Variants in GTF2I observed in about 807,000 individuals in gnomAD.
The protein encoded by GTF2I is general transcription factor II-I.
In GTF2I, 12 loss-of-function variants were observed where a neutral mutation model predicts 67.6. The ratio of observed to expected loss-of-function variants is 0.18; its 90% CI spans 0.11 to 0.29. GTF2I has a LOEUF of 0.29. Ranked by LOEUF, GTF2I falls within the 10% of genes least tolerant of loss-of-function variation. The probability of loss-of-function intolerance (pLI) is 1.00; values close to 1 mark genes in which losing one functional copy is unlikely to be tolerated. For missense variants in GTF2I, 271 were observed against 580.1 expected (o/e 0.47, Z 5.47); for synonymous variants, 149 against 197.0 (o/e 0.76, Z 2.04).
intron 1 of GTF2I, among the ~76,000 whole-genome samples, chr7:74,680,079 CA>C (rs1225904374): frequency 0.016 from 476 of 30,482 alleles, 6 homozygotes; most frequent in Admixed American, 0.031. Flanking sequence ...GAGTCCATCT[CA>C]AAAAAAAAAA....
Position 74,666,890 on chromosome 7 carries a change from G to C in GTF2I, c.-6+8822G>C, listed in dbSNP as rs185902947. 5.0e-3 allele frequency among the ~76,000 whole-genome samples: 765 copies of C among 152,148 alleles called. 6 individuals carry two copies. Among genetic ancestry groups the C allele is most frequent in the South Asian group, 0.014 (68 of 4,824 alleles). On this transcript the variant is annotated intron_variant, in intron 1 of 34. Transcript: ENST00000573035. ...AGCTACTCAGGAGGCTGAGGCAGGA[G>C]AATGGTGTGAAACCGGCAGGCGGAG...
In GTF2I at chr7:74,705,231, T is replaced by A. The variant is rs1554401039; in HGVS notation, c.641+13T>A. 10 of 1,510,188 alleles carry A rather than the reference T, an allele frequency of 6.6e-6. No homozygotes were observed. Among genetic ancestry groups the A allele is most frequent in the Non-Finnish European group, 9.2e-6 (10 of 1,085,846 alleles). 93.5% of individuals were successfully genotyped at this position (1,510,188 alleles called of 1,614,324 possible). ...CTCCAGGTGGAAGGTAAAACCTAAT[T>A]TCATTACTGCTGTTTAACTCCCACA... is the stretch of plus-strand genomic sequence containing the variant. On this transcript the variant is annotated intron_variant, in intron 7 of 34. Transcript: ENST00000573035.
rs782466588 is a variant in GTF2I at position 74,706,447 on chromosome 7, C to T, written c.685+14C>T. ...CAGAAGATTCTGGTATGTACTAGCA[C>T]TTTTAGAATCAATGGTGAAATTAAG... On this transcript the variant is annotated intron_variant, in intron 8 of 34. Transcript: ENST00000573035. 8.2e-6 allele frequency: 13 copies of T among 1,578,960 alleles called. No individual in the cohort carries two copies. Among genetic ancestry groups the T allele is most frequent in the Non-Finnish European group, 1.1e-5 (13 of 1,148,350 alleles).
rs1584254100 is a variant in GTF2I, at chr7:74,714,894, G to T, written c.801G>T (p.Gln267His). Residue 267 changes from glutamine (Q) to histidine (H), a missense_variant, in exon 10 of 35, where the codon CAG becomes CAT. Coordinates refer to ENST00000573035, the MANE Select transcript of GTF2I (RefSeq NM_032999.4). ...AAACTGATGATGTTGATGAAAAACA[G>T]CCCCTATCGAAGCCTTTGCAAGGTA... ...PSETDDVDEK[Q>H]PLSKPLQGSH... 4 of 1,606,406 alleles carry T rather than the reference G, an allele frequency of 2.5e-6. No homozygotes were observed. Among genetic ancestry groups the T allele is most frequent in the Non-Finnish European group, 1.7e-6 (2 of 1,175,232 alleles).
chr7:74,671,021 G>T (rs1805400661), intron 1 of GTF2I, among the ~76,000 whole-genome samples: 1 of 150,248 alleles, frequency 6.7e-6, no homozygotes, highest in Non-Finnish European at 1.5e-5. Flanking sequence ...ATGTTGTTTT[G>T]GCTACTGTGA....
At position 74,680,114 on chromosome 7, in the gene GTF2I, A is replaced by ATG. The variant is rs1787124200; in HGVS notation, c.-5-9009_-5-9008insGT. Among the ~76,000 whole-genome samples the ATG allele has an allele frequency of 2.5e-5, 3 of 121,506 alleles. 1 individual carries two copies. Among genetic ancestry groups the ATG allele is most frequent in the South Asian group, 4.8e-4 (2 of 4,194 alleles). 79.7% of individuals were successfully genotyped at this position (121,506 alleles called of 152,430 possible). A position where few individuals can be genotyped will look rare whatever the true frequency, so the allele number is the denominator to read the frequency against. On this transcript the variant is annotated intron_variant, in intron 1 of 34. Transcript: ENST00000573035. ...AAAAAAAAAAAATATATATATATAT[A>ATG]TATGTATGTATGTATGTATATACAC...
At chr7:74,671,776 G>GT (rs1805477345) in intron 1 of GTF2I, among the ~76,000 whole-genome samples, 1 of 152,098 alleles carries the variant, frequency 6.6e-6, no homozygotes, top group South Asian at 2.1e-4. Context: ...GAGCACGGGA[G>GT]TTTGACACCA....
chr7:74,699,794 A>G (rs1290787384), intron 4 of GTF2I: 5 of 158,504 alleles, frequency 3.2e-5, no homozygotes, highest in Admixed American at 6.0e-5. Flanking sequence ...TCGCTGCCCA[A>G]TAGGTTGACA....
intron 6 of GTF2I, 152 bp downstream of exon 6, chr7:74,700,786 G>T (rs782192566): frequency 2.8e-5 from 23 of 810,134 alleles, no homozygotes; most frequent in Non-Finnish European, 4.5e-5. Context: ...TCCACAAAAG[G>T]TTCATTGAGC....
At chr7:74,712,247 A>T (rs1008883169) in intron 9 of GTF2I, among the ~76,000 whole-genome samples, 16 of 152,074 alleles carry the variant, frequency 1.1e-4, no homozygotes, top group Non-Finnish European at 2.1e-4. Flanking sequence ...ACGCTTTTTT[A>T]AAATGAAATA....
intron 8 of GTF2I, among the ~76,000 whole-genome samples, chr7:74,707,587 C>T (rs887422161): frequency 6.6e-6 from 1 of 152,120 alleles, no homozygotes; most frequent in Non-Finnish European, 1.5e-5. Flanking sequence ...GTTGAATTAT[C>T]CTTTTTTGGA....
At chr7:74,682,819 C>T (rs1468208587) in intron 1 of GTF2I, among the ~76,000 whole-genome samples, 1 of 151,980 alleles carries the variant, frequency 6.6e-6, no homozygotes, top group African/African-American at 2.4e-5. Context: ...TCTTGAAATT[C>T]CTTAGAGAGT....
At chr7:74,712,920 A>G (rs1414535941) in intron 9 of GTF2I, among the ~76,000 whole-genome samples, 1 of 152,110 alleles carries the variant, frequency 6.6e-6, no homozygotes. Context: ...TTGTATTCCA[A>G]AATAGGCTTG....
At chr7:74,658,658 G>C (rs1469347613) in intron 1 of GTF2I, among the ~76,000 whole-genome samples, 10 of 150,332 alleles carry the variant, frequency 6.7e-5, no homozygotes, top group Non-Finnish European at 1.5e-4. Context: ...TGCGGCGGGC[G>C]GGGGAGCGGG....
At chr7:74,676,251 G>C (rs1554392357) in intron 1 of GTF2I, among the ~76,000 whole-genome samples, 1 of 152,078 alleles carries the variant, frequency 6.6e-6, no homozygotes. Context: ...TTTCTTTGCT[G>C]TCATTCGAAA....
chr7:74,724,687 G>A (rs782378249), intron 12 of GTF2I, among the ~76,000 whole-genome samples: 7 of 152,132 alleles, frequency 4.6e-5, no homozygotes, highest in Non-Finnish European at 8.8e-5. Context: ...TTGGAAGACC[G>A]AGGTGGGTGG....
intron 3 of GTF2I, among the ~76,000 whole-genome samples, chr7:74,694,660 T>A (rs1208869143): frequency 6.6e-6 from 1 of 152,170 alleles, no homozygotes; most frequent in Non-Finnish European, 1.5e-5. Context: ...ATGTAGAAAC[T>A]GCAGCAAGTT....
At chr7:74,718,704 T>G (rs1315018880) in intron 11 of GTF2I, among the ~76,000 whole-genome samples, 175 bp from the exon 12 acceptor site, 2 of 152,360 alleles carry the variant, frequency 1.3e-5, no homozygotes, top group East Asian at 3.9e-4. Flanking sequence ...TGTTTTCTTT[T>G]ATCCCTATTT....
At chr7:74,704,839 A>T (rs1365680663) in intron 6 of GTF2I, among the ~76,000 whole-genome samples, 1 of 142,016 alleles carries the variant, frequency 7.0e-6, no homozygotes, top group African/African-American at 2.6e-5. Context: ...TGGGCAACAG[A>T]GTAAAACCCT....
Sources: allele counts gnomAD v4.1 joint callset (sites outside exome capture counted in the v4.1 genomes callset), GRCh38; gene constraint gnomAD v4.1.1; transcripts MANE v1.5; gene names NCBI Gene and HGNC (gene_info 2026-07-23, HGNC 2026-07-21).